GUF1: variants seen among roughly 807,000 people sequenced by gnomAD.
GUF1 encodes translation factor GUF1, mitochondrial.
Under a neutral mutation model 82.4 loss-of-function variants are expected in GUF1, and 78 were observed. That is an observed-to-expected ratio of 0.95 (90% confidence interval 0.79 to 1.14). The LOEUF (loss-of-function observed/expected upper bound fraction) is 1.14. Among genes scored for constraint, GUF1 ranks in the 50% most tolerant of loss-of-function variants. The pLI, the probability that GUF1 is intolerant of heterozygous loss-of-function variation, is 0.00. For missense variants in GUF1, 814 were observed against 798.2 expected (o/e 1.02, Z -0.24); for synonymous variants, 279 against 282.3 (o/e 0.99, Z 0.12).
intron 13 of GUF1, among the ~76,000 whole-genome samples, chr4:44,692,570 GAATGTT>G (rs907795479): frequency 6.6e-6 from 1 of 151,938 alleles, no homozygotes; most frequent in Non-Finnish European, 1.5e-5. Context: ...CACAGTGCAT[GAATGTT>G]AATGTTAACA....
chr4:44,696,710 GGTTA>G (rs1245964868), intron 15 of GUF1, among the ~76,000 whole-genome samples: 1 of 152,152 alleles, frequency 6.6e-6, no homozygotes, highest in Non-Finnish European at 1.5e-5. Flanking sequence ...GTTTTGCTTT[GGTTA>G]GTTATTCTGT....
intron 14 of GUF1, among the ~76,000 whole-genome samples, chr4:44,695,228 T>C (rs1316916456): frequency 6.6e-6 from 1 of 152,200 alleles, no homozygotes; most frequent in African/African-American, 2.4e-5. Context: ...GAGTAATATT[T>C]AGTGACATAA....
In GUF1 at chr4:44,686,696, G is replaced by T. The variant is rs752675555; in HGVS notation, c.921G>T (p.Glu307Asp). The change falls in exon 8 of 17, where the codon GAG (glutamate) becomes GAT (aspartate). Residue 307 changes from glutamate to aspartate, a missense_variant. Physicochemically the swap from Glu to Asp is conservative, Grantham distance 45 (BLOSUM62 2). Coordinates refer to ENST00000281543, the MANE Select transcript of GUF1 (RefSeq NM_021927.3). ...VNEVGVLNPNEQPTHKLYAGQ... is the reference protein window; with the variant it reads ...VNEVGVLNPNDQPTHKLYAGQ... ...AAGTAGGAGTCTTGAATCCTAATGA[G>T]CAGCCAACTCATAAATTGTAAGTAA... 1 of 1,604,846 alleles carries T rather than the reference G, an allele frequency of 6.2e-7. No individual in the cohort carries two copies.
intron 8 of GUF1, 57 bp downstream of exon 8, chr4:44,686,770 A>G: frequency 1.7e-6 from 2 of 1,190,660 alleles, no homozygotes; most frequent in South Asian, 1.3e-5. Flanking sequence ...CTATTTCTGC[A>G]TTTTTCTCAA....
In GUF1 at chr4:44,691,810, A is replaced by T. The variant is rs1255413605; in HGVS notation, c.1613+11A>T. The stretch of plus-strand genomic sequence containing the variant: ...TTCTGGATATGCTAGGTAAAAAAAT[A>T]ATGAGAACCTAAGATGCCTGACCAA... On this transcript the variant is annotated intron_variant, in intron 13 of 16. Transcript: ENST00000281543. The T allele has an allele frequency of 4.5e-6, 7 of 1,572,618 alleles. No homozygotes were observed. The highest frequency in any genetic ancestry group is 6.0e-6 in the Non-Finnish European group (7 of 1,162,986).
At position 44,691,806 on chromosome 4, in the gene GUF1, AAAT is replaced by A. The variant is rs1225701669; in HGVS notation, c.1613+11_1613+13del. 7 of 1,572,500 alleles carry A rather than the reference AAAT, an allele frequency of 4.5e-6. No homozygotes were observed. Among genetic ancestry groups the A allele is most frequent in the Non-Finnish European group, 6.0e-6 (7 of 1,163,222 alleles). ...TATCTTCTGGATATGCTAGGTAAAA[AAAT>A]AATGAGAACCTAAGATGCCTGACCA... On this transcript the variant is annotated splice_region_variant and intron_variant, in intron 13 of 16. Coordinates refer to ENST00000281543, the MANE Select transcript of GUF1 (RefSeq NM_021927.3).
Position 44,688,296 on chromosome 4 carries a change from T to A in GUF1, c.1078+150T>A, listed in dbSNP as rs1715195485. On this transcript the variant is annotated intron_variant, in intron 9 of 16. Transcript: ENST00000281543. The stretch of plus-strand genomic sequence containing the variant: ...TTTCACTTTGTGCTGTTTATCAGTT[T>A]ATAATTACATATGTGTGATGAAATT... The A allele has an allele frequency of 1.9e-5, 14 of 738,326 alleles. No individual in the cohort carries two copies. The South Asian group carries it at 2.4e-4, about 12-fold the overall frequency. 45.7% of individuals were successfully genotyped at this position (738,326 alleles called of 1,614,324 possible).
At chr4:44,681,043 T>C in intron 3 of GUF1, 80 bp from the exon 4 acceptor site, 3 of 1,283,582 alleles carry the variant, frequency 2.3e-6, no homozygotes, top group Non-Finnish European at 3.4e-6. Flanking sequence ...TTTTATCAAG[T>C]AAAGTCAATA....
rs750072177 is a variant in GUF1, at chr4:44,689,847, G to C, written c.1207G>C (p.Gly403Arg). The C allele has an allele frequency of 6.3e-7, 1 of 1,599,252 alleles. No individual in the cohort carries two copies. The change falls in exon 11 of 17, where the codon GGA becomes CGA. Residue 403 changes from glycine to arginine, a missense_variant. Coordinates refer to ENST00000281543, the MANE Select transcript of GUF1 (RefSeq NM_021927.3). The stretch of plus-strand genomic sequence containing the variant: ...GTTTGTCTTTTCCTCCCCCAGGCTA[G>C]GATTTCTTGGACTTTTGCACATGGA... Reference protein sequence around the residue: ...SLALGAGWRLGFLGLLHMEVF... With the variant: ...SLALGAGWRLRFLGLLHMEVF...
At chr4:44,685,874 T>C (rs1479066082) in intron 6 of GUF1, 85 bp from the exon 7 acceptor site, 1 of 874,936 alleles carries the variant, frequency 1.1e-6, no homozygotes. Flanking sequence ...TTTTTTTTCC[T>C]TCTGATCATA....
intron 5 of GUF1, 40 bp from the exon 6 acceptor site, chr4:44,683,195 T>C (rs1419623875): frequency 8.8e-7 from 1 of 1,142,484 alleles, no homozygotes. Context: ...ATACATCTTA[T>C]CTTTATTATA....
Position 44,697,423 on chromosome 4 carries a change from GA to G in GUF1, c.1856del (p.Asn619ThrfsTer15). The part of the protein sequence containing the change: ...IARETVKAYR[K>X]NVLAKCYGGD... ...TCTTTTACAGTGTGAAAGCCTATAG[GA>G]AAAACGTTTTGGCAAAATGTGTATG... is the stretch of plus-strand genomic sequence containing the variant. On this transcript the variant is annotated frameshift_variant, in exon 16 of 17. Transcript: ENST00000281543. LOFTEE classifies it high-confidence loss of function. The G allele has an allele frequency of 1.3e-6, 2 of 1,562,740 alleles. No individual in the cohort carries two copies. Among genetic ancestry groups the G allele is most frequent in the East Asian group, 2.3e-5 (1 of 43,156 alleles).
At position 44,680,452 on chromosome 4, in the gene GUF1, C is replaced by T. The variant is rs1406957712; in HGVS notation, c.177C>T (p.Asp59=). Residue 59 remains aspartate, a synonymous_variant, in exon 2 of 17, where the codon GAC becomes GAT. Coordinates refer to ENST00000281543, the MANE Select transcript of GUF1 (RefSeq NM_021927.3). ...YSSAEFKEKL[D]MSRFPVENIR... ...TTTCCCCTTTCTAGGAAAAACTTGA[C>T]ATGTCTAGGTTTCCTGTTGAAAATA... The T allele has an allele frequency of 1.9e-6, 3 of 1,585,080 alleles. No individual in the cohort carries two copies. In the Admixed American group the frequency reaches 5.1e-5, roughly 27 times the overall value.
At position 44,678,563 on chromosome 4, in the gene GUF1, A is replaced by G. The variant is rs1424263382; in HGVS notation, c.-60A>G. ...CCTACGGGGGGTACCTTCGAAAAAA[A>G]ACGGGCTATGCTGCTGTTGCGTGTG... On this transcript the variant is annotated 5_prime_UTR_variant, in exon 1 of 17. Transcript: ENST00000281543. 2 of 1,349,202 alleles carry G rather than the reference A, an allele frequency of 1.5e-6. No individual in the cohort carries two copies. Among genetic ancestry groups the G allele is most frequent in the African/African-American group, 3.1e-5 (2 of 65,444 alleles). 83.6% of individuals were successfully genotyped at this position (1,349,202 alleles called of 1,614,324 possible). A position where few individuals can be genotyped will look rare whatever the true frequency, so the allele number is the denominator to read the frequency against.
At position 44,678,571 on chromosome 4, in the gene GUF1, A is replaced by G. The variant is rs1026888807; in HGVS notation, c.-52A>G. 4.3e-6 allele frequency: 6 copies of G among 1,389,720 alleles called. No homozygotes were observed. The highest frequency in any genetic ancestry group is 1.8e-5 in the South Asian group (1 of 56,090). 86.1% of individuals were successfully genotyped at this position (1,389,720 alleles called of 1,614,324 possible). ...GGGTACCTTCGAAAAAAAACGGGCT[A>G]TGCTGCTGTTGCGTGTGGGTACCCT... On this transcript the variant is annotated 5_prime_UTR_variant, in exon 1 of 17. It removes an upstream start codon present in the reference 5' UTR. Coordinates refer to ENST00000281543, the MANE Select transcript of GUF1 (RefSeq NM_021927.3).
At chr4:44,684,048 A>G (rs1714916428) in intron 6 of GUF1, among the ~76,000 whole-genome samples, 1 of 152,100 alleles carries the variant, frequency 6.6e-6, no homozygotes, top group Non-Finnish European at 1.5e-5. Context: ...CTTATTTGGT[A>G]TATGCCAGCT....
intron 9 of GUF1, among the ~76,000 whole-genome samples, chr4:44,688,774 G>A (rs1220549289): frequency 6.6e-6 from 1 of 151,876 alleles, no homozygotes; most frequent in Non-Finnish European, 1.5e-5. Context: ...CTTCAGAGGT[G>A]TCAGATGAAA....
chr4:44,681,243 C>CT (rs776159486), intron 4 of GUF1, 40 bp downstream of exon 4: 2 of 1,385,910 alleles, frequency 1.4e-6, no homozygotes, highest in Admixed American at 1.8e-5. Context: ...TATGACATGA[C>CT]TATTTGGTTG....
Position 44,691,750 on chromosome 4 carries a change from G to A in GUF1, c.1564G>A (p.Val522Met). The change falls in exon 13 of 17, where the codon GTG becomes ATG. Residue 522 changes from valine (V) to methionine (M), a missense_variant. Physicochemically the swap from Val to Met is conservative, Grantham distance 21 (BLOSUM62 1). Transcript: ENST00000281543. ...LKYLFPLNEI[V>M]VDFYDSLKSL... ...ATATCTCTTTCCTTTGAATGAAATT[G>A]TGGTAGATTTTTATGACTCTTTGAA... The A allele has an allele frequency of 6.3e-7, 1 of 1,590,466 alleles. No homozygotes were observed. Among genetic ancestry groups the A allele is most frequent in the Non-Finnish European group, 8.6e-7 (1 of 1,163,954 alleles).
Sources: allele counts gnomAD v4.1 joint callset (sites outside exome capture counted in the v4.1 genomes callset), GRCh38; gene constraint gnomAD v4.1.1; transcripts MANE v1.5; gene names NCBI Gene and HGNC (gene_info 2026-07-23, HGNC 2026-07-21).